MINAR1: variants seen among roughly 807,000 people sequenced by gnomAD.
The protein encoded by MINAR1 is membrane integral NOTCH2 associated receptor 1, also known as major intrinsically disordered Notch2-binding receptor 1.
A neutral mutation model predicts 65.1 loss-of-function variants in MINAR1; 40 were observed. The ratio of observed to expected loss-of-function variants is 0.61; its 90% CI spans 0.48 to 0.80. The LOEUF (loss-of-function observed/expected upper bound fraction) is 0.80. MINAR1 is among the 30% of genes least tolerant of loss of function. The pLI, the probability that MINAR1 is intolerant of heterozygous loss-of-function variation, is 0.00. For missense variants in MINAR1, 1,128 were observed against 1,148.0 expected (o/e 0.98, Z 0.25); for synonymous variants, 482 against 449.1 (o/e 1.07, Z -0.93).
Position 79,458,065 on chromosome 15 carries a change from G to A in MINAR1, c.1918G>A (p.Val640Met). 1 of 1,614,178 alleles carries A rather than the reference G, an allele frequency of 6.2e-7. No homozygotes were observed. The highest frequency in any genetic ancestry group is 1.1e-5 in the South Asian group (1 of 91,076). ...LDQKMQQPEK[V>M]SVQIDLNSLT... Reference sequence around the variant, plus strand: ...CCAGAAAATGCAACAGCCTGAGAAGGTGAGTGTGCAGATAGATCTGAACTC... The same window carrying A: ...CCAGAAAATGCAACAGCCTGAGAAGATGAGTGTGCAGATAGATCTGAACTC... The change falls in exon 2 of 4, where the codon GTG (valine) becomes ATG (methionine). Residue 640 changes from valine to methionine, a missense_variant. By Grantham distance (21) the Val-to-Met change is conservative (BLOSUM62 1). Coordinates refer to ENST00000305428, the MANE Select transcript of MINAR1 (RefSeq NM_015206.3).
intron 3 of MINAR1, among the ~76,000 whole-genome samples, 193 bp downstream of exon 3, chr15:79,463,514 G>C (rs1895729097): frequency 6.6e-6 from 1 of 152,146 alleles, no homozygotes; most frequent in Non-Finnish European, 1.5e-5. Context: ...TCGTTGTTTT[G>C]CTTATTTGTA....
At chr15:79,466,335 G>A (rs1895853537) in intron 3 of MINAR1, among the ~76,000 whole-genome samples, 1 of 152,132 alleles carries the variant, frequency 6.6e-6, no homozygotes, top group Non-Finnish European at 1.5e-5. Context: ...CTCTGTAAAG[G>A]ACCAGATAGT....
chr15:79,438,515 T>G (rs941867230), intron 1 of MINAR1, among the ~76,000 whole-genome samples: 1 of 130 alleles, frequency 7.7e-3, no homozygotes, highest in Non-Finnish European at 0.016. Flanking sequence ...GGGTGTGGGG[T>G]GGGTGGGTAG....
At chr15:79,452,408 G>A (rs1224471683) in intron 1 of MINAR1, among the ~76,000 whole-genome samples, 2 of 152,064 alleles carry the variant, frequency 1.3e-5, no homozygotes, top group African/African-American at 2.4e-5. Flanking sequence ...CTGTGCAAGT[G>A]TGAAGCTGTA....
intron 2 of MINAR1, among the ~76,000 whole-genome samples, chr15:79,459,131 G>A (rs1433249467): frequency 1.3e-5 from 2 of 150,382 alleles, no homozygotes; most frequent in Non-Finnish European, 3.0e-5. Flanking sequence ...AGTGAGCTGA[G>A]ATCATGCACT....
chr15:79,439,354 A>G (rs59494210), intron 1 of MINAR1, among the ~76,000 whole-genome samples: 8 of 51,436 alleles, frequency 1.6e-4, no homozygotes, highest in Admixed American at 2.3e-4. Flanking sequence ...GTGTGTGGGT[A>G]ATGAGATGTG....
chr15:79,457,812 C>T lies in MINAR1; in HGVS notation c.1665C>T (p.Asp555=), dbSNP rs1209425284. The T allele has an allele frequency of 1.2e-6, 2 of 1,614,168 alleles. No homozygotes were observed. The highest frequency in any genetic ancestry group is 2.2e-5 in the South Asian group (2 of 91,084). ...TGSLSQLHKS[D]CDSSPEHNLT... Reference sequence around the variant, plus strand: ...CCTTGTCTCAGCTCCATAAGTCAGACTGCGACAGTTCCCCTGAGCACAACT... The same window carrying T: ...CCTTGTCTCAGCTCCATAAGTCAGATTGCGACAGTTCCCCTGAGCACAACT... The change falls in exon 2 of 4, where the codon GAC becomes GAT. Residue 555 remains aspartate (D), a synonymous_variant. Coordinates refer to ENST00000305428, the MANE Select transcript of MINAR1 (RefSeq NM_015206.3).
At chr15:79,421,343 AC>A in the MINAR1 span, 1 of 152,188 alleles carries the variant, frequency 6.6e-6, no homozygotes, top group Non-Finnish European at 1.5e-5. Flanking sequence ...TATGGAGGGC[AC>A]AGTGACCTGC....
chr15:79,456,442 GGGGCTGCCAAGGAGAAGCTGCCCAC>G lies in MINAR1; in HGVS notation c.300_324del (p.Lys102ArgfsTer28). ...ATTCAACCTGATCCAAATGAATGGCGGGGCTGCCAAGGAGAAGCTGCCCACGGGCCGCCAGAAGGTACGCAAGAAG... is the reference window on the plus strand; with the variant it reads ...ATTCAACCTGATCCAAATGAATGGCGGGGCCGCCAGAAGGTACGCAAGAAG... On this transcript the variant is annotated frameshift_variant, in exon 2 of 4. Coordinates refer to ENST00000305428, the MANE Select transcript of MINAR1 (RefSeq NM_015206.3). LOFTEE classifies it high-confidence loss of function. 1 of 1,614,172 alleles carries G rather than the reference GGGGCTGCCAAGGAGAAGCTGCCCAC, an allele frequency of 6.2e-7. No homozygotes were observed.
In MINAR1 at chr15:79,456,612, G is replaced by A. The variant is rs754681859; in HGVS notation, c.465G>A (p.Ser155=). The change falls in exon 2 of 4, where the codon TCG becomes TCA. Residue 155 remains serine (S), a synonymous_variant. Coordinates refer to ENST00000305428, the MANE Select transcript of MINAR1 (RefSeq NM_015206.3). ...GCCGGGGCTACCCCATCAGGCAGTC[G>A]TCCAAGTGCCGGAAGATGGACTGCA... The part of the protein sequence containing the change: ...SFSRGYPIRQ[S]SKCRKMDCKD... The A allele has an allele frequency of 9.3e-6, 15 of 1,614,042 alleles. No homozygotes were observed. Among genetic ancestry groups the A allele is most frequent in the South Asian group, 3.3e-5 (3 of 91,086 alleles).
In MINAR1 at chr15:79,457,850, C is replaced by G; in HGVS notation, c.1703C>G (p.Ala568Gly). ...SSPEHNLTKIANGVPNSKGDK... is the reference protein window; with the variant it reads ...SSPEHNLTKIGNGVPNSKGDK... ...CCTGAGCACAACTTAACCAAAATTG[C>G]CAATGGGGTCCCCAACAGCAAGGGA... Residue 568 changes from alanine to glycine, a missense_variant, in exon 2 of 4, where the codon GCC becomes GGC. By Grantham distance (60) the Ala-to-Gly change is moderately conservative. Transcript: ENST00000305428. 1 of 1,614,082 alleles carries G rather than the reference C, an allele frequency of 6.2e-7. No individual in the cohort carries two copies. The highest frequency in any genetic ancestry group is 8.5e-7 in the Non-Finnish European group (1 of 1,180,038).
chr15:79,463,626 A>G, intron 3 of MINAR1: 1 of 585,108 alleles, frequency 1.7e-6, no homozygotes, highest in Non-Finnish European at 3.2e-6. Flanking sequence ...GCAGATTCTA[A>G]TATTTGCTCA....
intron 3 of MINAR1, 136 bp downstream of exon 3, chr15:79,463,457 C>G: frequency 6.1e-6 from 6 of 985,490 alleles, no homozygotes; most frequent in African/African-American, 1.6e-5. Flanking sequence ...ACATGGAATT[C>G]AGAACTTTAA....
chr15:79,423,134 G>A, the MINAR1 span: 1 of 152,130 alleles, frequency 6.6e-6, no homozygotes, highest in Non-Finnish European at 1.5e-5. Context: ...GGAGTATTAT[G>A]CAACCATAAA....
chr15:79,411,465 A>G, the MINAR1 span: 1 of 702,506 alleles, frequency 1.4e-6, no homozygotes, highest in Non-Finnish European at 2.6e-6. Flanking sequence ...CAGGCGGAAC[A>G]CCTGCCACCG....
rs751204505 is a variant in MINAR1 at position 79,457,520 on chromosome 15, A to G, written c.1373A>G (p.Lys458Arg). Residue 458 changes from lysine (K) to arginine (R), a missense_variant, in exon 2 of 4, where the codon AAG (lysine) becomes AGG (arginine). Physicochemically the swap from Lys to Arg is conservative, Grantham distance 26. Transcript: ENST00000305428. ...KHEPVKKFKD[K>R]SINCTSGQLS... ...GAACCAGTCAAAAAGTTTAAAGACA[A>G]GAGCATTAACTGCACCAGTGGGCAG... 4 of 1,614,210 alleles carry G rather than the reference A, an allele frequency of 2.5e-6. No homozygotes were observed. The highest frequency in any genetic ancestry group is 3.4e-6 in the Non-Finnish European group (4 of 1,180,040).
At chr15:79,461,138 A>G (rs1012299026) in intron 2 of MINAR1, among the ~76,000 whole-genome samples, 1 of 152,236 alleles carries the variant, frequency 6.6e-6, no homozygotes, top group Non-Finnish European at 1.5e-5. Context: ...CGTATTATGT[A>G]TATATATTGA....
intron 1 of MINAR1, among the ~76,000 whole-genome samples, chr15:79,451,876 C>A (rs547457272): frequency 6.6e-6 from 1 of 152,180 alleles, no homozygotes; most frequent in African/African-American, 2.4e-5. Context: ...GATTTGTTGG[C>A]TGCTTAGCCC....
chr15:79,425,276 G>A, the MINAR1 span: 1 of 152,130 alleles, frequency 6.6e-6, no homozygotes, highest in Admixed American at 6.5e-5. Flanking sequence ...CTGACTTCAG[G>A]TGATCTGCCC....
Sources: gnomAD v4.1 joint callset for allele counts (sites outside exome capture counted in the v4.1 genomes callset) on GRCh38, gnomAD v4.1.1 for gene constraint, MANE v1.5 for transcripts, NCBI Gene and HGNC (gene_info 2026-07-23, HGNC 2026-07-21) for gene names.